BMAL2: variants seen among roughly 807,000 people sequenced by gnomAD.
BMAL2 encodes basic helix-loop-helix ARNT-like protein 2.
chr12:27,338,288 C>T, the BMAL2 span, among the ~76,000 whole-genome samples: 1 of 152,024 alleles, frequency 6.6e-6, no homozygotes, highest in East Asian at 1.9e-4. Flanking sequence ...AGAAATGCAG[C>T]CAAAATATTT....
chr12:27,345,674 TG>T, the BMAL2 span, among the ~76,000 whole-genome samples: 3 of 152,094 alleles, frequency 2.0e-5, no homozygotes, highest in East Asian at 5.8e-4. Context: ...TTTGTACTTT[TG>T]TTTTTTTTGT....
the BMAL2 span, among the ~76,000 whole-genome samples, chr12:27,366,758 A>G: frequency 6.6e-6 from 1 of 152,258 alleles, no homozygotes; most frequent in Non-Finnish European, 1.5e-5. Flanking sequence ...GTACCAAAGT[A>G]TGTATTTGTA....
the BMAL2 span, among the ~76,000 whole-genome samples, chr12:27,408,544 C>T: frequency 3.3e-5 from 5 of 152,200 alleles, no homozygotes; most frequent in African/African-American, 4.8e-5. Context: ...AATTCAACAA[C>T]GCTTCATGCT....
the BMAL2 span, among the ~76,000 whole-genome samples, chr12:27,349,505 C>G: frequency 3.9e-5 from 6 of 152,124 alleles, no homozygotes; most frequent in Non-Finnish European, 8.8e-5. Context: ...TAATCTTGCT[C>G]CACAGCAGTT....
chr12:27,403,381 T>C, the BMAL2 span: 3 of 1,201,720 alleles, frequency 2.5e-6, no homozygotes, highest in South Asian at 1.3e-5. Context: ...ATTATTTGAA[T>C]TGAAAGAAAG....
chr12:27,414,883 G>GA, the BMAL2 span, among the ~76,000 whole-genome samples: 2 of 151,402 alleles, frequency 1.3e-5, no homozygotes, highest in Admixed American at 6.6e-5. Flanking sequence ...GCTAGACTAA[G>GA]AAAAAAAAGA....
the BMAL2 span, among the ~76,000 whole-genome samples, chr12:27,407,799 C>G: frequency 6.6e-6 from 1 of 152,040 alleles, no homozygotes; most frequent in African/African-American, 2.4e-5. Context: ...ATCAATGAAT[C>G]CAGGAGCTGG....
At chr12:27,409,151 T>G in the BMAL2 span, among the ~76,000 whole-genome samples, 7 of 152,102 alleles carry the variant, frequency 4.6e-5, no homozygotes, top group African/African-American at 1.7e-4. Context: ...ATCAATATCA[T>G]GAAAATGGCC....
chr12:27,365,808 T>G, the BMAL2 span, among the ~76,000 whole-genome samples: 1 of 151,418 alleles, frequency 6.6e-6, no homozygotes, highest in African/African-American at 2.4e-5. Flanking sequence ...TTTGTTTAGC[T>G]TTTTAAATCT....
the BMAL2 span, chr12:27,421,423 G>T: frequency 1.3e-5 from 2 of 152,014 alleles, no homozygotes; most frequent in African/African-American, 4.8e-5. Flanking sequence ...CACTCTTGAG[G>T]TAACTAACCA....
chr12:27,352,091 G>A, the BMAL2 span, among the ~76,000 whole-genome samples: 1 of 152,118 alleles, frequency 6.6e-6, no homozygotes, highest in Non-Finnish European at 1.5e-5. Context: ...CACTGCTGAA[G>A]CATTTTTATT....
At chr12:27,406,954 T>C in the BMAL2 span, among the ~76,000 whole-genome samples, 1 of 152,046 alleles carries the variant, frequency 6.6e-6, no homozygotes, top group Non-Finnish European at 1.5e-5. Flanking sequence ...TAATCTCTGA[T>C]AAAACAGACT....
At chr12:27,372,063 T>C in the BMAL2 span, among the ~76,000 whole-genome samples, 1 of 152,144 alleles carries the variant, frequency 6.6e-6, no homozygotes, top group African/African-American at 2.4e-5. Flanking sequence ...ACCCCATCTC[T>C]ACTAAAAATA....
At chr12:27,339,670 G>A in the BMAL2 span, among the ~76,000 whole-genome samples, 7 of 151,582 alleles carry the variant, frequency 4.6e-5, no homozygotes, top group African/African-American at 1.7e-4. Flanking sequence ...TGTCACCCAG[G>A]CTGGAGTGCA....
the BMAL2 span, chr12:27,370,179 T>A: frequency 6.2e-7 from 1 of 1,614,096 alleles, no homozygotes; most frequent in Non-Finnish European, 8.5e-7. Flanking sequence ...CAGAATCCCC[T>A]TACCTATCTT....
chr12:27,403,601 T>C, the BMAL2 span: 1 of 1,091,420 alleles, frequency 9.2e-7, no homozygotes, highest in African/African-American at 1.6e-5. Flanking sequence ...ATAAAATCAA[T>C]ATACAAAAAT....
At chr12:27,383,888 T>A in the BMAL2 span, among the ~76,000 whole-genome samples, 1 of 152,176 alleles carries the variant, frequency 6.6e-6, no homozygotes, top group African/African-American at 2.4e-5. Flanking sequence ...CTGTACTGAA[T>A]CATAGCATGA....
At chr12:27,419,039 C>T in the BMAL2 span, among the ~76,000 whole-genome samples, 39 of 151,194 alleles carry the variant, frequency 2.6e-4, 1 homozygote, top group East Asian at 4.4e-3. Context: ...TCAATGGAAT[C>T]AGCTATGAGT....
At chr12:27,420,495 A>G in the BMAL2 span, 1 of 1,609,578 alleles carries the variant, frequency 6.2e-7, no homozygotes, top group African/African-American at 1.3e-5. Flanking sequence ...GGCCTGGGAG[A>G]CCCTGGGGAC....
Sources: allele counts gnomAD v4.1 joint callset (sites outside exome capture counted in the v4.1 genomes callset), GRCh38; gene constraint gnomAD v4.1.1; transcripts MANE v1.5; gene names NCBI Gene and HGNC (gene_info 2026-07-23, HGNC 2026-07-21).